Variants in TNKS observed in about 807,000 individuals in gnomAD.
The protein encoded by TNKS is poly [ADP-ribose] polymerase tankyrase-1.
In TNKS, 72 loss-of-function variants were observed where a neutral mutation model predicts 135.8. The observed-to-expected ratio is 0.53, with a 90% confidence interval of 0.44 to 0.64. The LOEUF (loss-of-function observed/expected upper bound fraction) is 0.64. TNKS is among the 30% of genes least tolerant of loss of function. TNKS has a pLI of 0.00. For synonymous variants in TNKS, 849 were observed against 649.3 expected (o/e 1.31, Z -4.68); for missense variants, 1,769 against 1,674.0 (o/e 1.06, Z -0.99).
chr8:9,747,309 C>G (rs1353078274), intron 17 of TNKS, among the ~76,000 whole-genome samples: 2 of 142,074 alleles, frequency 1.4e-5, no homozygotes, highest in Non-Finnish European at 3.1e-5. Flanking sequence ...TCTCTCTCTT[C>G]TGTTGTGAAT....
At chr8:9,611,715 C>G (rs1482310911) in intron 2 of TNKS, among the ~76,000 whole-genome samples, 1 of 152,106 alleles carries the variant, frequency 6.6e-6, no homozygotes, top group African/African-American at 2.4e-5. Context: ...AAAATAGTCC[C>G]ACATAAATCC....
chr8:9,753,164 AC>A (rs1167703284), intron 20 of TNKS, among the ~76,000 whole-genome samples: 2 of 152,158 alleles, frequency 1.3e-5, no homozygotes, highest in African/African-American at 2.4e-5. Context: ...GCATTTTATT[AC>A]ATGTCAAAAC....
intron 4 of TNKS, among the ~76,000 whole-genome samples, chr8:9,680,335 T>TA (rs1342809351): frequency 1.3e-5 from 2 of 150,490 alleles, no homozygotes; most frequent in African/African-American, 4.9e-5. Context: ...AAGTAAATGT[T>TA]AAAATCCTCA....
chr8:9,607,076 G>T (rs968337152), intron 2 of TNKS, among the ~76,000 whole-genome samples: 1 of 151,960 alleles, frequency 6.6e-6, no homozygotes, highest in Non-Finnish European at 1.5e-5. Context: ...ATTATTGAGC[G>T]TTCCACAGAG....
At chr8:9,764,415 A>T (rs961785537) in intron 22 of TNKS, among the ~76,000 whole-genome samples, 1 of 152,150 alleles carries the variant, frequency 6.6e-6, no homozygotes, top group Non-Finnish European at 1.5e-5. Context: ...TCAGAGTGTT[A>T]GTTCTTCTTC....
Position 9,678,840 on chromosome 8 carries a change from T to G in TNKS, c.995-1111T>G, listed in dbSNP as rs76029526. On this transcript the variant is annotated intron_variant, in intron 3 of 26. Coordinates refer to ENST00000310430, the MANE Select transcript of TNKS (RefSeq NM_003747.3). ...ATTTTCATTTAGTCTAATGTTTTAT[T>G]ATATGAGCACTTAGTATTTGCTTTC... is the stretch of plus-strand genomic sequence containing the variant. Among the ~76,000 whole-genome samples, 24 of 152,318 alleles carry G rather than the reference T, an allele frequency of 1.6e-4. No homozygotes were observed. In the East Asian group the frequency reaches 3.9e-3, roughly 24 times the overall value.
At chr8:9,660,940 A>G (rs531806455) in intron 3 of TNKS, among the ~76,000 whole-genome samples, 169 of 146,722 alleles carry the variant, frequency 1.2e-3, no homozygotes, top group African/African-American at 3.8e-3. Context: ...TTATACACCA[A>G]TAGCAGACAG....
chr8:9,709,882 A>G, intron 9 of TNKS, 73 bp from the exon 10 acceptor site: 3 of 1,121,526 alleles, frequency 2.7e-6, no homozygotes, highest in Non-Finnish European at 4.0e-6. Flanking sequence ...TGGTCAGCAG[A>G]TACTGTTCAA....
intron 5 of TNKS, among the ~76,000 whole-genome samples, chr8:9,699,753 C>G (rs780330353): frequency 7.2e-5 from 11 of 152,196 alleles, no homozygotes; most frequent in African/African-American, 2.7e-4. Context: ...TCTGTTCAGG[C>G]CTTCCTGCCA....
intron 2 of TNKS, among the ~76,000 whole-genome samples, chr8:9,588,286 T>TC (rs1798462029): frequency 6.6e-6 from 1 of 152,114 alleles, no homozygotes; most frequent in African/African-American, 2.4e-5. Flanking sequence ...ATTGCTTCTT[T>TC]TTTTTTTTGA....
intron 26 of TNKS, among the ~76,000 whole-genome samples, chr8:9,771,644 G>GGA (rs1807877558): frequency 8.8e-6 from 1 of 113,018 alleles, no homozygotes; most frequent in African/African-American, 3.5e-5. Context: ...GAAAGAGAGA[G>GGA]AGGGATGAAT....
chr8:9,586,517 C>G (rs2129054672), intron 2 of TNKS, among the ~76,000 whole-genome samples: 1 of 152,078 alleles, frequency 6.6e-6, no homozygotes, highest in South Asian at 2.1e-4. Context: ...TATGCTTTAT[C>G]TCTTCTTCCC....
chr8:9,695,537 G>A (rs1478909659), intron 5 of TNKS, among the ~76,000 whole-genome samples: 2 of 152,024 alleles, frequency 1.3e-5, no homozygotes, highest in Non-Finnish European at 2.9e-5. Context: ...AAACACTTCA[G>A]TTTCTTCTTA....
intron 3 of TNKS, among the ~76,000 whole-genome samples, chr8:9,641,965 G>T (rs1224199926): frequency 6.8e-6 from 1 of 146,090 alleles, no homozygotes; most frequent in Non-Finnish European, 1.5e-5. Flanking sequence ...TGTCTTCCAA[G>T]GCAAATCATT....
chr8:9,668,145 G>T (rs905043510), intron 3 of TNKS, among the ~76,000 whole-genome samples: 1 of 152,130 alleles, frequency 6.6e-6, no homozygotes, highest in Non-Finnish European at 1.5e-5. Context: ...AAATCATTCG[G>T]AATCATTTCT....
Position 9,742,753 on chromosome 8 carries a change from TAAG to T in TNKS, c.2644-5267_2644-5265del, listed in dbSNP as rs1449135132. ...TTATTTAAAATATAATGAATTAAATTAAGAAGTATTTATTAGTACTCCTTAAAT... is the reference window on the plus strand; with the variant it reads ...TTATTTAAAATATAATGAATTAAATTAAGTATTTATTAGTACTCCTTAAAT... On this transcript the variant is annotated intron_variant, in intron 17 of 26. Transcript: ENST00000310430. Among the ~76,000 whole-genome samples the T allele has an allele frequency of 2.0e-5, 3 of 148,888 alleles. No homozygotes were observed. The South Asian group carries it at 6.3e-4, about 31-fold the overall frequency.
chr8:9,606,721 AT>A (rs143350820), intron 2 of TNKS, among the ~76,000 whole-genome samples: 11,419 of 152,036 alleles, frequency 0.075, 455 homozygotes, highest in South Asian at 0.17. Flanking sequence ...ACCAGATCAC[AT>A]TTTTCTTTCT....
intron 3 of TNKS, among the ~76,000 whole-genome samples, chr8:9,661,191 TCAAGCTAC>T (rs1245583227): frequency 6.6e-6 from 1 of 151,974 alleles, no homozygotes; most frequent in East Asian, 1.9e-4. Context: ...GCGATCCCCA[TCAAGCTAC>T]CAATGACTTT....
At chr8:9,558,747 A>G (rs897104383) in intron 1 of TNKS, 5 of 152,200 alleles carry the variant, frequency 3.3e-5, no homozygotes, top group African/African-American at 9.6e-5. Flanking sequence ...AGTTATGACA[A>G]GCTAACCTTG....
Sources: gnomAD v4.1 joint callset for allele counts (sites outside exome capture counted in the v4.1 genomes callset) on GRCh38, gnomAD v4.1.1 for gene constraint, MANE v1.5 for transcripts, NCBI Gene and HGNC (gene_info 2026-07-23, HGNC 2026-07-21) for gene names.